The following PVT1 variants were observed in gnomAD, a reference collection of about 807,000 sequenced individuals.
The protein encoded by PVT1 is Pvt1 oncogene, also known as CXCR4/PVT1 fusion.
intron 3 of PVT1, among the ~76,000 whole-genome samples, chr8:127,975,228 T>C (rs988976021): frequency 6.6e-6 from 1 of 152,206 alleles, no homozygotes; most frequent in Non-Finnish European, 1.5e-5. Flanking sequence ...TTGTCCCACA[T>C]TGCCAAATTA....
rs1461006231 is a variant in PVT1 at position 127,951,014 on chromosome 8, C to T, written n.783-38148C>T. Among the ~76,000 whole-genome samples the T allele has an allele frequency of 1.3e-5, 2 of 152,204 alleles. 1 individual carries two copies. Among genetic ancestry groups the T allele is most frequent in the Non-Finnish European group, 2.9e-5 (2 of 68,034 alleles). Reference sequence around the variant, plus strand: ...CCGGATTCAAGCAATTATCCTGCCTCAGCCTCCCAAGTAGCTGAGATTACA... The same window carrying T: ...CCGGATTCAAGCAATTATCCTGCCTTAGCCTCCCAAGTAGCTGAGATTACA... On this transcript the variant is annotated intron_variant and non_coding_transcript_variant, in intron 3 of 10. Coordinates refer to ENST00000651587, the Ensembl canonical transcript of PVT1.
chr8:127,934,530 G>T (rs1391601869), intron 3 of PVT1, among the ~76,000 whole-genome samples: 1 of 152,196 alleles, frequency 6.6e-6, no homozygotes, highest in Non-Finnish European at 1.5e-5. Flanking sequence ...GGAAAGAGTT[G>T]GCCAGCCTTT....
chr8:127,890,076 C>T (rs1033952496), intron 2 of PVT1, among the ~76,000 whole-genome samples: 5 of 152,136 alleles, frequency 3.3e-5, no homozygotes, highest in Non-Finnish European at 5.9e-5. Flanking sequence ...GGTCCTAGGC[C>T]CTGCCCTGAA....
intron 3 of PVT1, among the ~76,000 whole-genome samples, chr8:127,911,757 C>T (rs532281513): frequency 6.6e-6 from 1 of 152,368 alleles, no homozygotes; most frequent in Middle Eastern, 3.4e-3. Flanking sequence ...TTATTTGCTT[C>T]TTGGAGTGCT....
chr8:127,994,249 G>A (rs562610570), intron 4 of PVT1, among the ~76,000 whole-genome samples: 3 of 152,158 alleles, frequency 2.0e-5, no homozygotes, highest in Non-Finnish European at 4.4e-5. Context: ...TGTGGGACGG[G>A]TTCTGCTGAT....
At chr8:128,095,466 T>C (rs1276780760) in intron 5 of PVT1, among the ~76,000 whole-genome samples, 1 of 152,224 alleles carries the variant, frequency 6.6e-6, no homozygotes, top group Non-Finnish European at 1.5e-5. Flanking sequence ...TGGCACACGA[T>C]AGAATCTCAT....
chr8:128,082,638 C>T (rs569386859), intron 5 of PVT1: 1 of 152,296 alleles, frequency 6.6e-6, no homozygotes, highest in East Asian at 1.9e-4. Context: ...TAATGGCAGG[C>T]AAGTTACCCA....
At chr8:127,973,934 C>T (rs575746381) in intron 3 of PVT1, among the ~76,000 whole-genome samples, 7 of 151,140 alleles carry the variant, frequency 4.6e-5, no homozygotes, top group African/African-American at 1.2e-4. Context: ...GAGCCGAGAT[C>T]GCACCACTGC....
In PVT1 at chr8:128,022,772, G is replaced by T. The variant is rs1817453075; in HGVS notation, n.912+33481G>T. Among the ~76,000 whole-genome samples, 3 of 152,078 alleles carry T rather than the reference G, an allele frequency of 2.0e-5. No individual in the cohort carries two copies. In the South Asian group the frequency reaches 6.2e-4, roughly 32 times the overall value. ...AAAATGATGTGGTGAACTGATTACAGGAATGGCCCTAATTCTTCACTCATT... is the reference window on the plus strand; with the variant it reads ...AAAATGATGTGGTGAACTGATTACATGAATGGCCCTAATTCTTCACTCATT... On this transcript the variant is annotated intron_variant and non_coding_transcript_variant, in intron 4 of 10. Coordinates refer to ENST00000651587, the Ensembl canonical transcript of PVT1.
chr8:127,857,633 A>T (rs1469623272), intron 2 of PVT1, among the ~76,000 whole-genome samples: 2 of 152,212 alleles, frequency 1.3e-5, no homozygotes, highest in African/African-American at 2.4e-5. Context: ...GTGTGCAGTG[A>T]TCACACCACT....
chr8:127,930,305 C>A (rs1235858529), intron 3 of PVT1, among the ~76,000 whole-genome samples: 1 of 152,122 alleles, frequency 6.6e-6, no homozygotes, highest in African/African-American at 2.4e-5. Flanking sequence ...TACAGGCATG[C>A]GCCACCAGGT....
At chr8:128,049,104 A>C (rs576289744) in intron 4 of PVT1, 3 of 513,430 alleles carry the variant, frequency 5.8e-6, no homozygotes, top group South Asian at 4.3e-5. Flanking sequence ...GCCCTGAGGA[A>C]TCAGAGATAG....
intron 4 of PVT1, among the ~76,000 whole-genome samples, chr8:128,044,197 CA>C (rs1813584729): frequency 7.1e-6 from 1 of 140,680 alleles, no homozygotes; most frequent in East Asian, 2.2e-4. Context: ...ATGCAGACAG[CA>C]CCCACCTCGC....
At chr8:128,088,904 G>A (rs1380575423) in intron 5 of PVT1, among the ~76,000 whole-genome samples, 1 of 152,230 alleles carries the variant, frequency 6.6e-6, no homozygotes, top group Non-Finnish European at 1.5e-5. Flanking sequence ...CTCAGAGGAG[G>A]AGAGAGGGGA....
At chr8:127,851,404 G>GT (rs1430788852) in intron 2 of PVT1, among the ~76,000 whole-genome samples, 1 of 152,190 alleles carries the variant, frequency 6.6e-6, no homozygotes, top group Non-Finnish European at 1.5e-5. Flanking sequence ...TGACCTGGTT[G>GT]TTTAACTCCT....
chr8:127,948,828 A>G (rs1182220746), intron 3 of PVT1: 1 of 152,246 alleles, frequency 6.6e-6, no homozygotes, highest in East Asian at 1.9e-4. Flanking sequence ...TTGTCTGAGC[A>G]ACCCAGCCTG....
intron 4 of PVT1, among the ~76,000 whole-genome samples, chr8:128,050,391 A>G (rs1250886545): frequency 6.6e-6 from 1 of 152,234 alleles, no homozygotes; most frequent in Non-Finnish European, 1.5e-5. Context: ...GCTTGAAGTC[A>G]GACCTCTCAG....
chr8:127,932,272 T>C (rs973488525), intron 3 of PVT1, among the ~76,000 whole-genome samples: 6 of 152,220 alleles, frequency 3.9e-5, no homozygotes, highest in Non-Finnish European at 1.5e-5. Flanking sequence ...TCCATGTTTC[T>C]GCTCCTCTCC....
At position 127,901,124 on chromosome 8, in the gene PVT1, G is replaced by A. The variant is rs1009995817; in HGVS notation, n.782+10126G>A. ...AGATACTTGTGAAGAAGCCAACAGCGTTGTCTGGGCCTGGCTGGATATCAT... is the reference window on the plus strand; with the variant it reads ...AGATACTTGTGAAGAAGCCAACAGCATTGTCTGGGCCTGGCTGGATATCAT... On this transcript the variant is annotated intron_variant and non_coding_transcript_variant, in intron 3 of 10. Transcript: ENST00000651587. Among the ~76,000 whole-genome samples, 13 of 152,340 alleles carry A rather than the reference G, an allele frequency of 8.5e-5. 1 individual carries two copies. The highest frequency in any genetic ancestry group is 4.1e-4 in the South Asian group (2 of 4,830).
Sources: allele counts gnomAD v4.1 joint callset (sites outside exome capture counted in the v4.1 genomes callset), GRCh38; gene constraint gnomAD v4.1.1; transcripts MANE v1.5; gene names NCBI Gene and HGNC (gene_info 2026-07-23, HGNC 2026-07-21).